Variants in CDK8 observed in about 807,000 individuals in gnomAD.
CDK8 encodes cyclin-dependent kinase 8.
CDK8 carries 29 observed loss-of-function variants against 71.5 expected under a neutral mutation model. That is an observed-to-expected ratio of 0.41 (90% CI 0.30 to 0.55). The LOEUF is 0.55. Among genes scored for constraint, CDK8 ranks in the 20% least tolerant of loss-of-function variants. The pLI is 0.37. For missense variants in CDK8, 288 were observed against 572.6 expected (o/e 0.50, Z 5.07); for synonymous variants, 161 against 192.1 (o/e 0.84, Z 1.34).
At chr13:26,349,502 A>G (rs1202909488) in intron 3 of CDK8, among the ~76,000 whole-genome samples, 1 of 152,218 alleles carries the variant, frequency 6.6e-6, no homozygotes, top group Non-Finnish European at 1.5e-5. Context: ...GCTCTAAAAT[A>G]GAAAAGTAGC....
At chr13:26,384,935 GA>G (rs1875405988) in intron 5 of CDK8, among the ~76,000 whole-genome samples, 1 of 152,152 alleles carries the variant, frequency 6.6e-6, no homozygotes, top group Admixed American at 6.5e-5. Context: ...GTGACACATG[GA>G]AAGAAAAATC....
chr13:26,254,596 C>CG lies in CDK8; in HGVS notation c.-46_-45insG. ...CGTGCTTCCCCGGTCCCCACCCCTG[C>CG]CCCCCGGCCCCCCGACCCAGCTCTC... On this transcript the variant is annotated 5_prime_UTR_variant, in exon 1 of 13. Transcript: ENST00000381527. This position sits in a 1 kb window ranked among gnomAD's most constrained non-coding sequence, Gnocchi z 6.7. 1 of 1,269,800 alleles carries CG rather than the reference C, an allele frequency of 7.9e-7. No homozygotes were observed. The highest frequency in any genetic ancestry group is 1.1e-6 in the Non-Finnish European group (1 of 907,576). The allele number at this position is 1,269,800 out of a possible 1,614,324, so 78.7% of individuals were successfully genotyped here.
At chr13:26,375,000 T>C (rs180965541) in intron 4 of CDK8, among the ~76,000 whole-genome samples, 7 of 152,304 alleles carry the variant, frequency 4.6e-5, no homozygotes, top group Admixed American at 2.6e-4. Context: ...TAATGTTTAA[T>C]AGGAAATGAG....
intron 1 of CDK8, among the ~76,000 whole-genome samples, chr13:26,284,824 A>G (rs1465021663): frequency 6.6e-6 from 1 of 152,090 alleles, no homozygotes. Flanking sequence ...AACAACAACA[A>G]AAACAAAAAG....
At chr13:26,380,864 A>G (rs748383738) in intron 4 of CDK8, among the ~76,000 whole-genome samples, 6 of 152,180 alleles carry the variant, frequency 3.9e-5, no homozygotes, top group Non-Finnish European at 7.4e-5. Flanking sequence ...CTATCGCTCT[A>G]CAGTTTTATT....
intron 1 of CDK8, among the ~76,000 whole-genome samples, chr13:26,284,038 G>A (rs992102602): frequency 3.3e-5 from 5 of 152,146 alleles, no homozygotes; most frequent in African/African-American, 4.8e-5. Context: ...GCTTCTGAGT[G>A]ATCTTTGGCT....
chr13:26,345,347 AT>A (rs1023889728), intron 2 of CDK8, among the ~76,000 whole-genome samples: 2 of 151,918 alleles, frequency 1.3e-5, no homozygotes, highest in African/African-American at 4.8e-5. Context: ...AGATAGATGA[AT>A]TTTTTTTAAT....
At chr13:26,337,390 AAAT>A (rs2137973221) in intron 1 of CDK8, among the ~76,000 whole-genome samples, 174 bp from the exon 2 acceptor site, 1 of 152,280 alleles carries the variant, frequency 6.6e-6, no homozygotes, top group African/African-American at 2.4e-5. Context: ...TTCCCTCATC[AAAT>A]AATGGGACTG....
chr13:26,341,703 G>A (rs1034179580), intron 2 of CDK8, among the ~76,000 whole-genome samples: 4 of 152,050 alleles, frequency 2.6e-5, no homozygotes, highest in African/African-American at 4.8e-5. Context: ...ACAGTTTGAA[G>A]TATTAATTTA....
intron 4 of CDK8, among the ~76,000 whole-genome samples, chr13:26,365,444 G>A (rs189642198): frequency 6.6e-5 from 10 of 152,152 alleles, no homozygotes; most frequent in East Asian, 5.8e-4. Context: ...TTTATTAAAT[G>A]TCACAATTGC....
At chr13:26,392,429 G>T (rs1240345486) in intron 6 of CDK8, among the ~76,000 whole-genome samples, 1 of 147,668 alleles carries the variant, frequency 6.8e-6, no homozygotes, top group African/African-American at 2.5e-5. Flanking sequence ...CCGGGTTCAA[G>T]CAATTCTCCT....
intron 4 of CDK8, among the ~76,000 whole-genome samples, chr13:26,373,576 A>G (rs1411053275): frequency 5.3e-5 from 8 of 152,200 alleles, no homozygotes; most frequent in African/African-American, 1.7e-4. Flanking sequence ...TTACATGTCT[A>G]ACAACTAGAG....
intron 1 of CDK8, among the ~76,000 whole-genome samples, chr13:26,273,377 A>C (rs1027951309): frequency 6.6e-6 from 1 of 152,138 alleles, no homozygotes; most frequent in African/African-American, 2.4e-5. Context: ...TAAACACTAC[A>C]TCTGGTATTA....
intron 4 of CDK8, among the ~76,000 whole-genome samples, chr13:26,356,453 G>A (rs1373616266): frequency 6.6e-6 from 1 of 151,954 alleles, no homozygotes; most frequent in Non-Finnish European, 1.5e-5. Context: ...CTTTATAAAC[G>A]TCTGACCCTT....
intron 1 of CDK8, among the ~76,000 whole-genome samples, chr13:26,261,961 A>C (rs1275460499): frequency 1.3e-5 from 2 of 152,188 alleles, no homozygotes. Context: ...TCACACCATA[A>C]TCTATTGCAG....
chr13:26,290,646 T>C (rs1873250155), intron 1 of CDK8, among the ~76,000 whole-genome samples: 1 of 152,172 alleles, frequency 6.6e-6, no homozygotes, highest in Admixed American at 6.5e-5. Flanking sequence ...CTTTTTGCTT[T>C]CTTTTCACTG....
intron 1 of CDK8, among the ~76,000 whole-genome samples, chr13:26,289,441 G>A (rs1044529271): frequency 7.9e-5 from 12 of 152,170 alleles, no homozygotes; most frequent in African/African-American, 2.9e-4. Context: ...ATATCCTACT[G>A]TAAATTTATA....
chr13:26,377,513 G>A (rs1875010962), intron 4 of CDK8, among the ~76,000 whole-genome samples: 1 of 152,172 alleles, frequency 6.6e-6, no homozygotes, highest in Non-Finnish European at 1.5e-5. Flanking sequence ...TCAGGAAACA[G>A]AATTGGTTAA....
chr13:26,291,480 A>G (rs1216595111), intron 1 of CDK8, among the ~76,000 whole-genome samples: 1 of 152,202 alleles, frequency 6.6e-6, no homozygotes, highest in African/African-American at 2.4e-5. Flanking sequence ...ATAAAATGCC[A>G]ACTGTTCAGA....
Sources: gnomAD v4.1 joint callset for allele counts (sites outside exome capture counted in the v4.1 genomes callset) on GRCh38, gnomAD v4.1.1 for gene constraint, Gnocchi (gnomAD v3.1) non-coding constraint, MANE v1.5 for transcripts, NCBI Gene and HGNC (gene_info 2026-07-23, HGNC 2026-07-21) for gene names.